The following TDRD5 variants were observed in gnomAD, a reference collection of about 807,000 sequenced individuals.
TDRD5 encodes the protein tudor domain-containing protein 5.
A neutral mutation model predicts 120.6 loss-of-function variants in TDRD5; 41 were observed. The ratio of observed to expected loss-of-function variants is 0.34; its 90% CI spans 0.26 to 0.44. The LOEUF is 0.44. Ranked by LOEUF, TDRD5 falls within the 20% of genes least tolerant of loss-of-function variation. The probability of loss-of-function intolerance (pLI) is 1.00; values close to 1 mark genes in which losing one functional copy is unlikely to be tolerated. For missense variants in TDRD5, 1,006 were observed against 1,221.2 expected (o/e 0.82, Z 2.63); for synonymous variants, 430 against 433.7 (o/e 0.99, Z 0.11).
At chr1:179,678,982 G>A (rs10913861) in intron 17 of TDRD5, among the ~76,000 whole-genome samples, 66,764 of 152,000 alleles carry the variant, frequency 0.44, 14,704 homozygotes, top group Admixed American at 0.47. Flanking sequence ...CAAATAAAGT[G>A]TAATGTTAGC....
At chr1:179,618,556 G>A in intron 4 of TDRD5, 43 bp from the exon 5 acceptor site, 1 of 1,480,516 alleles carries the variant, frequency 6.8e-7, no homozygotes, top group Non-Finnish European at 9.2e-7. Flanking sequence ...ACTTTCTTTG[G>A]TCAGGGGGAC....
chr1:179,667,550 C>G (rs1679621729), intron 16 of TDRD5, among the ~76,000 whole-genome samples: 1 of 148,734 alleles, frequency 6.7e-6, no homozygotes, highest in Admixed American at 6.9e-5. Context: ...TAGTAATCTC[C>G]CCAGCTTAAA....
chr1:179,594,520 A>T lies in TDRD5; in HGVS notation c.640+653A>T, dbSNP rs559097782. 1.1e-4 allele frequency among the ~76,000 whole-genome samples: 16 copies of T among 152,366 alleles called. 1 individual carries two copies. The South Asian group carries it at 3.3e-3, about 32-fold the overall frequency. On this transcript the variant is annotated intron_variant, in intron 3 of 17. Coordinates refer to ENST00000444136, the MANE Select transcript of TDRD5 (RefSeq NM_001199085.3). Reference sequence around the variant, plus strand: ...ACCCAGCTCTTATTGCTGCCCATCCAGTGAATTTCTGCCCAAATGCTGTGT... The same window carrying T: ...ACCCAGCTCTTATTGCTGCCCATCCTGTGAATTTCTGCCCAAATGCTGTGT...
At chr1:179,678,081 T>C (rs1285190047) in intron 17 of TDRD5, among the ~76,000 whole-genome samples, 1 of 151,090 alleles carries the variant, frequency 6.6e-6, no homozygotes, top group African/African-American at 2.4e-5. Context: ...TTGCTGCGGC[T>C]GCTATGGGGG....
intron 4 of TDRD5, among the ~76,000 whole-genome samples, chr1:179,605,556 C>T (rs1260097072): frequency 6.6e-6 from 1 of 152,100 alleles, no homozygotes; most frequent in Non-Finnish European, 1.5e-5. Context: ...TGACATATAT[C>T]CACTATTGTA....
chr1:179,599,729 T>G (rs910078599), intron 4 of TDRD5, among the ~76,000 whole-genome samples: 1 of 152,148 alleles, frequency 6.6e-6, no homozygotes, highest in African/African-American at 2.4e-5. Flanking sequence ...CACTAAAGAT[T>G]TATTCACTTA....
chr1:179,625,099 G>T (rs1475663251), intron 6 of TDRD5, among the ~76,000 whole-genome samples: 1 of 147,048 alleles, frequency 6.8e-6, no homozygotes, highest in Non-Finnish European at 1.5e-5. Context: ...AAATGATGCT[G>T]GAACAACTGA....
At chr1:179,639,355 A>G (rs1333363992) in intron 9 of TDRD5, among the ~76,000 whole-genome samples, 1 of 152,210 alleles carries the variant, frequency 6.6e-6, no homozygotes, top group African/African-American at 2.4e-5. Flanking sequence ...AAGATAAGTG[A>G]ATCTCAACAT....
At position 179,616,082 on chromosome 1, in the gene TDRD5, A is replaced by G. The variant is rs556579220; in HGVS notation, c.832-2517A>G. ...ATACCTTTTCCCACAGCCATTTAAAAATATAACCATTCTTAGCTTATGGGA... is the reference window on the plus strand; with the variant it reads ...ATACCTTTTCCCACAGCCATTTAAAGATATAACCATTCTTAGCTTATGGGA... On this transcript the variant is annotated intron_variant, in intron 4 of 17. Coordinates refer to ENST00000444136, the MANE Select transcript of TDRD5 (RefSeq NM_001199085.3). Among the ~76,000 whole-genome samples, 4 of 152,262 alleles carry G rather than the reference A, an allele frequency of 2.6e-5. No individual in the cohort carries two copies. The South Asian group carries it at 8.3e-4, about 32-fold the overall frequency.
At position 179,618,581 on chromosome 1, in the gene TDRD5, T is replaced by G. The variant is rs183551881; in HGVS notation, c.832-18T>G. ...GTCAGGGGGACTGTGACTTGACTTTTTTTTTCTTTTTTCATAGCTGGAGAA... is the reference window on the plus strand; with the variant it reads ...GTCAGGGGGACTGTGACTTGACTTTGTTTTTCTTTTTTCATAGCTGGAGAA... On this transcript the variant is annotated intron_variant, in intron 4 of 17. Coordinates refer to ENST00000444136, the MANE Select transcript of TDRD5 (RefSeq NM_001199085.3). 1.5e-4 allele frequency: 228 copies of G among 1,569,806 alleles called. No homozygotes were observed. Among genetic ancestry groups the G allele is most frequent in the Non-Finnish European group, 1.9e-4 (223 of 1,164,372 alleles).
At chr1:179,674,201 A>G (rs763778973) in intron 17 of TDRD5, among the ~76,000 whole-genome samples, 13 of 152,098 alleles carry the variant, frequency 8.5e-5, no homozygotes, top group Non-Finnish European at 1.5e-5. Flanking sequence ...GATGGATTTT[A>G]TTACCTTAAG....
intron 6 of TDRD5, among the ~76,000 whole-genome samples, chr1:179,629,084 G>A (rs137895067): frequency 2.6e-5 from 4 of 152,182 alleles, no homozygotes; most frequent in Non-Finnish European, 5.9e-5. Context: ...TGTCATTTCT[G>A]AATAAGAGCT....
intron 11 of TDRD5, among the ~76,000 whole-genome samples, chr1:179,647,377 C>T (rs1678439348): frequency 6.6e-6 from 1 of 151,100 alleles, no homozygotes; most frequent in Admixed American, 6.6e-5. Flanking sequence ...ATAAATGGTG[C>T]TGGGAAAACT....
chr1:179,660,516 G>GT (rs1679257011), intron 14 of TDRD5, among the ~76,000 whole-genome samples: 1 of 151,954 alleles, frequency 6.6e-6, no homozygotes, highest in Non-Finnish European at 1.5e-5. Flanking sequence ...TTTGTATAGT[G>GT]TTTTTAGTGG....
chr1:179,616,120 G>A (rs997524744), intron 4 of TDRD5, among the ~76,000 whole-genome samples: 13 of 152,070 alleles, frequency 8.5e-5, no homozygotes, highest in Non-Finnish European at 1.6e-4. Flanking sequence ...CACAAAAAGA[G>A]GCCATAATTT....
chr1:179,679,069 T>C (rs1316556121), intron 17 of TDRD5, among the ~76,000 whole-genome samples: 1 of 152,226 alleles, frequency 6.6e-6, no homozygotes, highest in East Asian at 1.9e-4. Flanking sequence ...GTTTTTATTA[T>C]GAATCGGTGT....
intron 6 of TDRD5, among the ~76,000 whole-genome samples, chr1:179,624,014 A>T (rs1236473052): frequency 6.6e-6 from 1 of 152,062 alleles, no homozygotes; most frequent in Non-Finnish European, 1.5e-5. Context: ...CAATTAGAAC[A>T]TGTTTCTCGT....
chr1:179,689,620 C>T (rs1680992566), intron 17 of TDRD5, among the ~76,000 whole-genome samples: 1 of 152,212 alleles, frequency 6.6e-6, no homozygotes, highest in Non-Finnish European at 1.5e-5. Flanking sequence ...GTTTCTGCTG[C>T]CTTTTGTTCA....
rs1327678247 is a variant in TDRD5, at chr1:179,654,211, A to G, written c.2171A>G (p.Asn724Ser). The change falls in exon 14 of 18, where the codon AAT becomes AGT. Residue 724 changes from asparagine (N) to serine (S), a missense_variant. Physicochemically the swap from Asn to Ser is conservative, Grantham distance 46. Coordinates refer to ENST00000444136, the MANE Select transcript of TDRD5 (RefSeq NM_001199085.3). ...TTTCATATCTACTAGCAAGATATTA[A>G]TGATGAAAAGTCTTTAAGTCATCTT... ...ESELRILQDI[N>S]DEKSLSHLKS... 1 of 1,533,618 alleles carries G rather than the reference A, an allele frequency of 6.5e-7. No individual in the cohort carries two copies. Among genetic ancestry groups the G allele is most frequent in the Admixed American group, 2.1e-5 (1 of 48,212 alleles).
Sources: allele counts gnomAD v4.1 joint callset (sites outside exome capture counted in the v4.1 genomes callset), GRCh38; gene constraint gnomAD v4.1.1; transcripts MANE v1.5; gene names NCBI Gene and HGNC (gene_info 2026-07-23, HGNC 2026-07-21).